The following HS1BP3 variants were observed in gnomAD, a reference collection of about 807,000 sequenced individuals.
HS1BP3 encodes HCLS1 binding protein 3, also known as HCLS1-binding protein 3.
Under a neutral mutation model 33.5 loss-of-function variants are expected in HS1BP3, and 32 were observed. That is an observed-to-expected ratio of 0.95 (90% CI 0.72 to 1.28). HS1BP3 has a LOEUF of 1.28. Ranked by LOEUF, HS1BP3 falls within the 50% of genes most tolerant of loss-of-function variation. HS1BP3 has a pLI of 0.00. For synonymous variants in HS1BP3, 187 were observed against 209.2 expected (o/e 0.89, Z 0.92); for missense variants, 486 against 502.3 (o/e 0.97, Z 0.31).
chr2:20,582,684 C>G (rs1443951651), intron 5 of HS1BP3, among the ~76,000 whole-genome samples: 2 of 152,108 alleles, frequency 1.3e-5, no homozygotes, highest in South Asian at 4.1e-4. Flanking sequence ...AGGAGATCAG[C>G]TAAGGGGCAG....
intron 5 of HS1BP3, among the ~76,000 whole-genome samples, chr2:20,582,886 GT>G (rs1693568513): frequency 6.6e-6 from 1 of 152,246 alleles, no homozygotes; most frequent in East Asian, 1.9e-4. Context: ...TTTTGGCAGG[GT>G]CAGAGCCTCC....
intron 5 of HS1BP3, among the ~76,000 whole-genome samples, chr2:20,565,850 T>G (rs1415063301): frequency 6.6e-6 from 1 of 152,086 alleles, no homozygotes; most frequent in Non-Finnish European, 1.5e-5. Context: ...GCCTGCGCAG[T>G]GAGATGGATG....
chr2:20,638,426 G>A lies in HS1BP3; in HGVS notation c.623+10C>T. ...CACCAAAGGGGCCCTCTCAACAACA[G>A]GAGACCAACCGCATAATGCCCAGAG... On this transcript the variant is annotated intron_variant, in intron 4 of 6. Coordinates refer to ENST00000304031, the MANE Select transcript of HS1BP3 (RefSeq NM_022460.4). 1 of 1,612,970 alleles carries A rather than the reference G, an allele frequency of 6.2e-7. No homozygotes were observed. Among genetic ancestry groups the A allele is most frequent in the Non-Finnish European group, 8.5e-7 (1 of 1,179,194 alleles).
downstream of HS1BP3, among the ~76,000 whole-genome samples, chr2:20,589,533 G>A (rs1693761122): frequency 6.6e-6 from 1 of 152,166 alleles, no homozygotes; most frequent in South Asian, 2.1e-4. Flanking sequence ...ATCGACTGAG[G>A]GACAACACCC....
At chr2:20,584,559 C>T (rs183108333) in intron 5 of HS1BP3, among the ~76,000 whole-genome samples, 2 of 152,312 alleles carry the variant, frequency 1.3e-5, no homozygotes, top group East Asian at 3.9e-4. Context: ...GTGGCAATGG[C>T]AAGAGGTGGT....
intron 2 of HS1BP3, among the ~76,000 whole-genome samples, chr2:20,606,979 A>AT (rs35152501): frequency 0.54 from 80,081 of 149,660 alleles, 24,397 homozygotes; most frequent in East Asian, 0.73. Context: ...TTATCTTTTT[A>AT]TTTTTTTTTG....
downstream of HS1BP3, among the ~76,000 whole-genome samples, chr2:20,590,441 T>C (rs1482720659): frequency 1.3e-5 from 2 of 152,204 alleles, no homozygotes; most frequent in Non-Finnish European, 2.9e-5. Context: ...AGAAGGATGA[T>C]GGGACCCGAT....
chr2:20,634,319 G>A (rs1695055758), intron 4 of HS1BP3, among the ~76,000 whole-genome samples: 2 of 152,350 alleles, frequency 1.3e-5, no homozygotes, highest in African/African-American at 4.8e-5. Flanking sequence ...CAACTCAAGA[G>A]CTTGTTAAAA....
chr2:20,578,095 T>C (rs1426726450), intron 5 of HS1BP3, among the ~76,000 whole-genome samples: 2 of 152,144 alleles, frequency 1.3e-5, no homozygotes, highest in Admixed American at 6.5e-5. Flanking sequence ...AGCTGCATCA[T>C]GTCCCCTCAG....
intron 5 of HS1BP3, among the ~76,000 whole-genome samples, chr2:20,576,113 G>A (rs1693394091): frequency 6.6e-6 from 1 of 152,030 alleles, no homozygotes; most frequent in Admixed American, 6.5e-5. Context: ...CAAGTAGCTG[G>A]GACTACAGGT....
rs763574514 is a variant in HS1BP3 at position 20,645,487 on chromosome 2, G to A, written c.51C>T (p.His17=). Residue 17 remains histidine (H), a synonymous_variant, in exon 2 of 7, where the codon CAC becomes CAT. Transcript: ENST00000304031. ...LVTSRRLQNA[H]TGLDLTVPQH... The stretch of plus-strand genomic sequence containing the variant: ...GGGGCACAGTCAGGTCGAGGCCAGT[G>A]TGGGCATTCTGAAGTCGCCTGCCAG... 6.2e-7 allele frequency: 1 copy of A among 1,612,994 alleles called. No homozygotes were observed. Among genetic ancestry groups the A allele is most frequent in the East Asian group, 2.2e-5 (1 of 44,852 alleles).
rs1047163 is a variant in HS1BP3 at position 20,618,052 on chromosome 2, A to C, written c.*935T>G. ...CTCGGGGCAGAAGCCTGAGAGAATCATGCCCCACTGGCAGTGGGAGGCGGT... is the reference window on the plus strand; with the variant it reads ...CTCGGGGCAGAAGCCTGAGAGAATCCTGCCCCACTGGCAGTGGGAGGCGGT... On this transcript the variant is annotated 3_prime_UTR_variant, in exon 7 of 7. Transcript: ENST00000304031. The C allele has an allele frequency of 6.6e-6, 1 of 152,420 alleles. No homozygotes were observed. The highest frequency in any genetic ancestry group is 2.4e-5 in the African/African-American group (1 of 41,460). 9.4% of individuals were successfully genotyped at this position (152,420 alleles called of 1,614,324 possible).
In HS1BP3 at chr2:20,573,631, A is replaced by G. The variant is rs545471243; in HGVS notation, c.303-13116T>C. ...TTGCTTCCAGAGGCTCCACAAATCC[A>G]CAGCTCTCAGCTGATATCTCATTAG... On this transcript the variant is annotated intron_variant, in intron 5 of 5. Coordinates refer to the HS1BP3 transcript ENST00000446825. Among the ~76,000 whole-genome samples, 218 of 152,320 alleles carry G rather than the reference A, an allele frequency of 1.4e-3. 2 individuals carry two copies. The highest frequency in any genetic ancestry group is 4.8e-3 in the African/African-American group (200 of 41,562).
chr2:20,579,439 C>T lies in HS1BP3; in HGVS notation c.303-18924G>A, dbSNP rs890681046. ...TTTCAGGCTGGGCTGAAAGATCCTC[C>T]GGCACAACAAAGCTGGGCCCAGGAG... On this transcript the variant is annotated intron_variant, in intron 5 of 5. Transcript: ENST00000446825. Among the ~76,000 whole-genome samples, 8 of 152,332 alleles carry T rather than the reference C, an allele frequency of 5.3e-5. No individual in the cohort carries two copies. The East Asian group carries it at 5.8e-4, about 11-fold the overall frequency.
rs1250969183 is a variant in HS1BP3, at chr2:20,625,854, T to TAA, written c.624-963_624-962insTT. Reference sequence around the variant, plus strand: ...CATGGAGCTGAATGCTCAGGATCTGTGTACGTCACTGTAAGTGATACCGCC... The same window carrying TAA: ...CATGGAGCTGAATGCTCAGGATCTGTAAGTACGTCACTGTAAGTGATACCGCC... On this transcript the variant is annotated intron_variant, in intron 4 of 6. Coordinates refer to ENST00000304031, the MANE Select transcript of HS1BP3 (RefSeq NM_022460.4). Among the ~76,000 whole-genome samples, 18 of 152,354 alleles carry TAA rather than the reference T, an allele frequency of 1.2e-4. No homozygotes were observed. The East Asian group carries it at 3.5e-3, about 29-fold the overall frequency.
chr2:20,563,727 C>T (rs940336598), intron 5 of HS1BP3, among the ~76,000 whole-genome samples: 8 of 152,198 alleles, frequency 5.3e-5, no homozygotes, highest in African/African-American at 1.7e-4. Flanking sequence ...TCTTCACACT[C>T]GCCCACCCCT....
chr2:20,572,198 C>T (rs1378303108), intron 5 of HS1BP3, among the ~76,000 whole-genome samples: 1 of 152,228 alleles, frequency 6.6e-6, no homozygotes, highest in Non-Finnish European at 1.5e-5. Context: ...AGGCCTGGCT[C>T]TGCTGCCAAC....
intron 2 of HS1BP3, chr2:20,606,549 A>G: frequency 2.1e-6 from 1 of 486,100 alleles, no homozygotes; most frequent in Admixed American, 2.3e-5. Flanking sequence ...ATGTCTTTGG[A>G]GCACTTCTTC....
chr2:20,585,581 T>C (rs1693661041), intron 5 of HS1BP3, among the ~76,000 whole-genome samples: 1 of 152,232 alleles, frequency 6.6e-6, no homozygotes, highest in Non-Finnish European at 1.5e-5. Flanking sequence ...AGCTCTTGAC[T>C]TCAAAGCCTC....
Sources: allele counts gnomAD v4.1 joint callset (sites outside exome capture counted in the v4.1 genomes callset), GRCh38; gene constraint gnomAD v4.1.1; transcripts MANE v1.5; gene names NCBI Gene and HGNC (gene_info 2026-07-23, HGNC 2026-07-21).